MYT1L: variants seen among roughly 807,000 people sequenced by gnomAD.
MYT1L encodes myelin transcription factor 1-like protein.
Under a neutral mutation model 126.7 loss-of-function variants are expected in MYT1L, and 12 were observed. That is an observed-to-expected ratio of 0.09 (90% CI 0.06 to 0.15). The LOEUF (loss-of-function observed/expected upper bound fraction) is 0.15. Ranked by LOEUF, MYT1L falls within the 10% of genes least tolerant of loss-of-function variation. The probability of loss-of-function intolerance (pLI) is 1.00; values close to 1 mark genes in which losing one functional copy is unlikely to be tolerated. For synonymous variants in MYT1L, 541 were observed against 604.2 expected, an observed-to-expected ratio of 0.90 and a Z score of 1.53; for missense variants, 979 against 1,585.2, an observed-to-expected ratio of 0.62 and a Z score of 6.49.
Position 2,116,276 on chromosome 2 carries a change from T to C in MYT1L, c.-304+56596A>G, listed in dbSNP as rs570162760. 4.6e-5 allele frequency among the ~76,000 whole-genome samples: 7 copies of C among 152,316 alleles called. No individual in the cohort carries two copies. In the South Asian group the frequency reaches 6.2e-4, roughly 14 times the overall value. ...GTGACAAAGAAGCCTCCTGATTCCA[T>C]GTTACGTTCTTGAAGAAAATGTCTG... is the stretch of plus-strand genomic sequence containing the variant. On this transcript the variant is annotated intron_variant, in intron 3 of 24. Transcript: ENST00000647738.
intron 9 of MYT1L, among the ~76,000 whole-genome samples, chr2:1,923,572 C>T (rs750616389): frequency 6.6e-6 from 1 of 152,224 alleles, no homozygotes; most frequent in Non-Finnish European, 1.5e-5. Context: ...TCATACATTT[C>T]AAGAATGACT....
chr2:1,910,412 C>T lies in MYT1L; in HGVS notation c.1710-65G>A. 7.0e-7 allele frequency: 1 copy of T among 1,431,786 alleles called. No homozygotes were observed. Among genetic ancestry groups the T allele is most frequent in the African/African-American group, 1.4e-5 (1 of 71,614 alleles). The allele number at this position is 1,431,786 out of a possible 1,614,324, so 88.7% of individuals were successfully genotyped here. ...ACACCTTCACAGCACACTAATCCTC[C>T]CTTAGCACCAAGACCCTGATGCAGG... On this transcript the variant is annotated intron_variant, in intron 12 of 24. Coordinates refer to ENST00000647738, the MANE Select transcript of MYT1L (RefSeq NM_001303052.2). This position sits in a 1 kb window ranked among gnomAD's most constrained non-coding sequence, Gnocchi z 4.8.
intron 2 of MYT1L, among the ~76,000 whole-genome samples, chr2:2,269,421 G>T (rs1049053107): frequency 6.6e-6 from 1 of 152,148 alleles, no homozygotes; most frequent in Non-Finnish European, 1.5e-5. Context: ...TACAAAATGG[G>T]GGCACACTTG....
intron 20 of MYT1L, 106 bp from the exon 21 acceptor site, chr2:1,839,476 T>G: frequency 1.0e-6 from 1 of 989,462 alleles, no homozygotes; most frequent in South Asian, 1.6e-5. Context: ...AAAACAACCA[T>G]GCCCTCCTGG....
At chr2:2,133,250 A>T (rs2082618204) in intron 3 of MYT1L, among the ~76,000 whole-genome samples, 1 of 152,202 alleles carries the variant, frequency 6.6e-6, no homozygotes, top group Non-Finnish European at 1.5e-5. Context: ...AAAAACCAAG[A>T]GACTGCTCCT....
intron 21 of MYT1L, among the ~76,000 whole-genome samples, chr2:1,823,088 T>C (rs1317803702): frequency 6.6e-6 from 1 of 152,184 alleles, no homozygotes; most frequent in African/African-American, 2.4e-5. Flanking sequence ...ATAACTCTTC[T>C]GCAAATGTGA....
intron 18 of MYT1L, among the ~76,000 whole-genome samples, chr2:1,860,492 G>C (rs60937226): frequency 0.15 from 22,394 of 152,146 alleles, 2,200 homozygotes; most frequent in African/African-American, 0.29. Flanking sequence ...CTCAGGGCTG[G>C]GATGCTGGGG....
intron 3 of MYT1L, among the ~76,000 whole-genome samples, chr2:2,058,567 A>G (rs2069933577): frequency 2.0e-5 from 3 of 152,234 alleles, no homozygotes; most frequent in Admixed American, 1.3e-4. Flanking sequence ...GTAAATCACA[A>G]GAGTCTAGAA....
chr2:1,953,171 T>A (rs1169897663), intron 8 of MYT1L, among the ~76,000 whole-genome samples: 1 of 152,024 alleles, frequency 6.6e-6, no homozygotes, highest in Non-Finnish European at 1.5e-5. Context: ...CCATGTTGCC[T>A]AGGCTGGTCT....
chr2:2,264,334 G>C (rs1209302464), intron 2 of MYT1L, among the ~76,000 whole-genome samples: 1 of 151,928 alleles, frequency 6.6e-6, no homozygotes, highest in South Asian at 2.1e-4. Context: ...TTCTTTATTT[G>C]TGCGTATACA....
Position 1,917,801 on chromosome 2 carries a change from G to A in MYT1L, c.1484-462C>T, listed in dbSNP as rs1034649102. On this transcript the variant is annotated intron_variant, in intron 10 of 24. Transcript: ENST00000647738. This position sits in a 1 kb window ranked among gnomAD's most constrained non-coding sequence, Gnocchi z 5.9. The stretch of plus-strand genomic sequence containing the variant: ...TTCTTTCTTATTGAGTGCTCTGATC[G>A]CATACACTAGAAGCTGCAGGATTTT... Among the ~76,000 whole-genome samples the A allele has an allele frequency of 2.6e-5, 4 of 152,122 alleles. No individual in the cohort carries two copies. Among genetic ancestry groups the A allele is most frequent in the East Asian group, 1.9e-4 (1 of 5,202 alleles).
intron 4 of MYT1L, among the ~76,000 whole-genome samples, chr2:2,019,517 C>A (rs2064812288): frequency 6.6e-6 from 1 of 152,188 alleles, no homozygotes; most frequent in African/African-American, 2.4e-5. Flanking sequence ...GCCCAGAGGC[C>A]CTAACCCCAA....
At chr2:1,985,009 C>T (rs555765960) in intron 5 of MYT1L, among the ~76,000 whole-genome samples, 1 of 152,142 alleles carries the variant, frequency 6.6e-6, no homozygotes, top group Non-Finnish European at 1.5e-5. Flanking sequence ...CCTGCTCTCC[C>T]CTCCCCGACA....
At chr2:1,914,685 C>T (rs1053015092) in intron 11 of MYT1L, among the ~76,000 whole-genome samples, 2 of 152,166 alleles carry the variant, frequency 1.3e-5, no homozygotes, top group Non-Finnish European at 2.9e-5. Context: ...TACAGATTAT[C>T]GGCCCTGGCG....
intron 13 of MYT1L, among the ~76,000 whole-genome samples, chr2:1,903,926 CGTGTGT>C (rs140944278): frequency 1.1e-4 from 17 of 150,494 alleles, no homozygotes; most frequent in South Asian, 2.1e-4. Context: ...GACACCATGT[CGTGTGT>C]GTGTGTGTGT....
intron 4 of MYT1L, among the ~76,000 whole-genome samples, chr2:2,020,257 C>A (rs1488261800): frequency 6.6e-6 from 1 of 152,174 alleles, no homozygotes; most frequent in Non-Finnish European, 1.5e-5. Flanking sequence ...TTCAGGGTTT[C>A]TTTTCCTATT....
intron 8 of MYT1L, among the ~76,000 whole-genome samples, chr2:1,966,775 G>GGA (rs2059396707): frequency 6.9e-6 from 1 of 145,706 alleles, no homozygotes; most frequent in African/African-American, 2.5e-5. Flanking sequence ...AATGTTAAGT[G>GGA]AAAAAAAAAA....
intron 21 of MYT1L, among the ~76,000 whole-genome samples, chr2:1,813,824 G>A (rs1283394077): frequency 7.4e-6 from 1 of 135,148 alleles, no homozygotes; most frequent in Non-Finnish European, 1.6e-5. Flanking sequence ...TCAGGAGATC[G>A]AGACCATCCT....
intron 3 of MYT1L, among the ~76,000 whole-genome samples, chr2:2,078,183 T>C (rs989387192): frequency 6.6e-6 from 1 of 151,998 alleles, no homozygotes; most frequent in African/African-American, 2.4e-5. Flanking sequence ...AGAGAAAAAT[T>C]AAAATTATTA....
Sources: allele counts gnomAD v4.1 joint callset (sites outside exome capture counted in the v4.1 genomes callset), GRCh38; gene constraint gnomAD v4.1.1; non-coding constraint Gnocchi (gnomAD v3.1); transcripts MANE v1.5; gene names NCBI Gene and HGNC (gene_info 2026-07-23, HGNC 2026-07-21).